Variants in ZFPM2 observed in about 807,000 individuals in gnomAD.
ZFPM2 encodes zinc finger protein, FOG family member 2.
ZFPM2 carries 20 observed loss-of-function variants against 98.6 expected under a neutral mutation model. The ratio of observed to expected loss-of-function variants is 0.20; its 90% confidence interval spans 0.14 to 0.29. The LOEUF is 0.29. Among genes scored for constraint, ZFPM2 ranks in the 10% least tolerant of loss-of-function variants. The pLI is 1.00. For synonymous variants in ZFPM2, 518 were observed against 502.7 expected (o/e 1.03, Z -0.41); for missense variants, 1,310 against 1,388.6 (o/e 0.94, Z 0.90).
chr8:105,586,356 T>TTCC (rs368673703), intron 4 of ZFPM2, among the ~76,000 whole-genome samples: 1 of 73,594 alleles, frequency 1.4e-5, no homozygotes, highest in African/African-American at 4.0e-5. Context: ...CTTTCTTTTT[T>TTCC]ATCGCTTTCA....
intron 3 of ZFPM2, among the ~76,000 whole-genome samples, chr8:105,551,139 A>C (rs1814842275): frequency 6.6e-6 from 1 of 152,214 alleles, no homozygotes; most frequent in South Asian, 2.1e-4. Context: ...CTATCGACTA[A>C]GGCATTTTTA....
intron 4 of ZFPM2, among the ~76,000 whole-genome samples, chr8:105,579,944 C>A (rs1405401103): frequency 6.6e-6 from 1 of 152,120 alleles, no homozygotes; most frequent in East Asian, 1.9e-4. Flanking sequence ...GTGAACCAAG[C>A]CATTGGCTAA....
intron 5 of ZFPM2, among the ~76,000 whole-genome samples, chr8:105,718,815 C>A (rs1811587667): frequency 1.3e-5 from 2 of 151,902 alleles, no homozygotes; most frequent in Admixed American, 1.3e-4. Context: ...TACATGCAAT[C>A]CCCGTGTCTC....
At chr8:105,534,200 CCTCCCTTCTTCCTTCT>C (rs1814390807) in intron 3 of ZFPM2, among the ~76,000 whole-genome samples, 1 of 82,776 alleles carries the variant, frequency 1.2e-5, no homozygotes, top group Non-Finnish European at 2.4e-5. Context: ...TTCCTCCCTC[CCTCCCTTCTTCCTTCT>C]TTTCTTCCTC....
chr8:105,750,612 AT>A, intron 5 of ZFPM2, among the ~76,000 whole-genome samples: 1 of 152,086 alleles, frequency 6.6e-6, no homozygotes, highest in East Asian at 1.9e-4. Flanking sequence ...GAGATCAGAG[AT>A]TTTACTCCAT....
intron 3 of ZFPM2, among the ~76,000 whole-genome samples, chr8:105,517,264 A>G (rs1813944105): frequency 6.6e-6 from 1 of 152,182 alleles, no homozygotes; most frequent in Non-Finnish European, 1.5e-5. Flanking sequence ...TGCTTAATGA[A>G]TTATTTGGCA....
intron 5 of ZFPM2, among the ~76,000 whole-genome samples, chr8:105,732,142 C>T (rs1811956127): frequency 6.6e-6 from 1 of 151,596 alleles, no homozygotes; most frequent in Admixed American, 6.6e-5. Flanking sequence ...GCAGCTGTCC[C>T]CCTATTTGAA....
chr8:105,789,127 C>T (rs1054445107), intron 6 of ZFPM2: 1 of 487,772 alleles, frequency 2.1e-6, no homozygotes, highest in Admixed American at 3.6e-5. Context: ...GATACATGTG[C>T]ACAATGTGCA....
rs1261042230 is a variant in ZFPM2, at chr8:105,708,690, C to T, written c.532+74333C>T. 2.6e-5 allele frequency among the ~76,000 whole-genome samples: 4 copies of T among 152,122 alleles called. No homozygotes were observed. The East Asian group carries it at 5.8e-4, about 22-fold the overall frequency. ...AACTCCTGGGCTCAAGCGGTCCACC[C>T]GCCTCGGCCTTCCATAGTGCTGGGA... On this transcript the variant is annotated intron_variant, in intron 5 of 7. Coordinates refer to ENST00000407775, the MANE Select transcript of ZFPM2 (RefSeq NM_012082.4).
intron 1 of ZFPM2, among the ~76,000 whole-genome samples, chr8:105,414,419 C>T (rs551627593): frequency 1.3e-5 from 2 of 151,924 alleles, no homozygotes; most frequent in Non-Finnish European, 2.9e-5. Context: ...GATTGTTGTT[C>T]CATTTATAGT....
At chr8:105,424,444 T>C (rs1811865513) in intron 2 of ZFPM2, among the ~76,000 whole-genome samples, 1 of 151,938 alleles carries the variant, frequency 6.6e-6, no homozygotes, top group South Asian at 2.1e-4. Flanking sequence ...AAATACTAGG[T>C]TTAAAAAGAG....
In ZFPM2 at chr8:105,634,154, G is replaced by T. The variant is rs1586164079; in HGVS notation, c.421-92G>T. The T allele has an allele frequency of 8.5e-6, 8 of 942,686 alleles. No individual in the cohort carries two copies. In the East Asian group the frequency reaches 1.1e-4, roughly 13 times the overall value. The allele number at this position is 942,686 out of a possible 1,614,324, so 58.4% of individuals were successfully genotyped here. A position where few individuals can be genotyped will look rare whatever the true frequency, so the allele number is the denominator to read the frequency against. On this transcript the variant is annotated intron_variant, in intron 4 of 7. Coordinates refer to ENST00000407775, the MANE Select transcript of ZFPM2 (RefSeq NM_012082.4). ...GGATTATGGTTTGGGAGATTTAGTT[G>T]TTTGTAAAAATAAAATGATTAGTAC...
At position 105,471,639 on chromosome 8, in the gene ZFPM2, G is replaced by A. The variant is rs115469974; in HGVS notation, c.301+27258G>A. Among the ~76,000 whole-genome samples the A allele has an allele frequency of 8.5e-3, 1,297 of 152,276 alleles. 16 individuals are homozygous for A. The highest frequency in any genetic ancestry group is 0.03 in the African/African-American group (1,242 of 41,550). On this transcript the variant is annotated intron_variant, in intron 3 of 7. Transcript: ENST00000407775. The stretch of plus-strand genomic sequence containing the variant: ...CTCAGAACATTGGGGTTTGAGGGTG[G>A]TGAGTTGGAGGAGGTTGATGGTACG...
intron 4 of ZFPM2, among the ~76,000 whole-genome samples, chr8:105,583,991 T>A (rs1815658359): frequency 6.6e-6 from 1 of 152,212 alleles, no homozygotes; most frequent in Non-Finnish European, 1.5e-5. Flanking sequence ...AATCACTATT[T>A]TTCTGCTTTA....
At chr8:105,770,406 G>A (rs1222941063) in intron 5 of ZFPM2, among the ~76,000 whole-genome samples, 4 of 152,016 alleles carry the variant, frequency 2.6e-5, no homozygotes, top group Admixed American at 1.3e-4. Flanking sequence ...TTTATCTCAC[G>A]AAAGTTAACT....
In ZFPM2 at chr8:105,327,137, TGA is replaced by T. The variant is rs781371470; in HGVS notation, c.40+8163_40+8164del. 7.9e-5 allele frequency among the ~76,000 whole-genome samples: 12 copies of T among 151,522 alleles called. No individual in the cohort carries two copies. In the East Asian group the frequency reaches 2.3e-3, roughly 29 times the overall value. The stretch of plus-strand genomic sequence containing the variant: ...GAAAACTTTTGTGGGCATCTCTTAT[TGA>T]GAGAGAAAAAAAGATTTTTTAGCTA... On this transcript the variant is annotated intron_variant, in intron 1 of 7. Transcript: ENST00000407775.
At chr8:105,674,841 A>C (rs73301256) in intron 5 of ZFPM2, among the ~76,000 whole-genome samples, 12,118 of 152,138 alleles carry the variant, frequency 0.08, 1,564 homozygotes, top group African/African-American at 0.27. Context: ...GAAATCAAAG[A>C]CCTAGACCCC....
chr8:105,695,244 C>G (rs1466931030), intron 5 of ZFPM2, among the ~76,000 whole-genome samples: 5 of 152,116 alleles, frequency 3.3e-5, no homozygotes, highest in African/African-American at 9.7e-5. Context: ...ATTACTCTAT[C>G]TCCTGAGAAA....
At chr8:105,593,449 A>T (rs1359292741) in intron 4 of ZFPM2, among the ~76,000 whole-genome samples, 1 of 152,158 alleles carries the variant, frequency 6.6e-6, no homozygotes, top group African/African-American at 2.4e-5. Flanking sequence ...ACAGGAAATT[A>T]TGCAGCAGTT....
Sources: allele counts gnomAD v4.1 joint callset (sites outside exome capture counted in the v4.1 genomes callset), GRCh38; gene constraint gnomAD v4.1.1; transcripts MANE v1.5; gene names NCBI Gene and HGNC (gene_info 2026-07-23, HGNC 2026-07-21).